The following DENND4A variants were observed in gnomAD, a reference collection of about 807,000 sequenced individuals.
DENND4A encodes the protein C-myc promoter-binding protein.
Under a neutral mutation model 199.3 loss-of-function variants are expected in DENND4A, and 70 were observed. The ratio of observed to expected loss-of-function variants is 0.35; its 90% confidence interval spans 0.29 to 0.43. DENND4A has a LOEUF of 0.43. Ranked by LOEUF, DENND4A falls within the 20% of genes least tolerant of loss-of-function variation. The pLI is 1.00. For missense variants in DENND4A, 1,723 were observed against 2,255.8 expected (o/e 0.76, Z 4.78); for synonymous variants, 686 against 766.9 (o/e 0.89, Z 1.74).
chr15:65,701,684 CT>C, intron 18 of DENND4A, 77 bp downstream of exon 18: 1 of 1,352,648 alleles, frequency 7.4e-7, no homozygotes, highest in Admixed American at 1.9e-5. Flanking sequence ...AAATAACCCC[CT>C]GCATAAATTA....
At chr15:65,748,746 T>C (rs2076480530) in intron 4 of DENND4A, among the ~76,000 whole-genome samples, 1 of 151,598 alleles carries the variant, frequency 6.6e-6, no homozygotes, top group Non-Finnish European at 1.5e-5. Context: ...TCCCAGCACT[T>C]TGGGGGACTG....
chr15:65,680,419 G>A (rs182404452), intron 23 of DENND4A, among the ~76,000 whole-genome samples: 1 of 152,098 alleles, frequency 6.6e-6, no homozygotes, highest in South Asian at 2.1e-4. Flanking sequence ...GAGGAGGAGG[G>A]AATACAGATA....
intron 5 of DENND4A, among the ~76,000 whole-genome samples, chr15:65,740,222 A>G (rs1033254741): frequency 1.3e-5 from 2 of 151,496 alleles, no homozygotes; most frequent in African/African-American, 2.4e-5. Context: ...ATGACTCATA[A>G]TCTTCTTGAG....
intron 4 of DENND4A, among the ~76,000 whole-genome samples, chr15:65,746,969 G>C (rs1170243377): frequency 6.6e-6 from 1 of 151,522 alleles, no homozygotes; most frequent in Admixed American, 6.6e-5. Flanking sequence ...GGCCGGGCGT[G>C]GTGGCGCATG....
At position 65,690,474 on chromosome 15, in the gene DENND4A, C is replaced by T; in HGVS notation, c.4120G>A (p.Val1374Ile). ...RNSMFTAGKG[V>I]AEKASKWYSR... ...TACCATTTGCTTGCTTTCTCTGCAA[C>T]TCCTTTTCCAGCAGTGAACATACTG... is the stretch of plus-strand genomic sequence containing the variant. Residue 1374 changes from valine to isoleucine, a missense_variant, in exon 23 of 33, where the codon GTT (valine) becomes ATT (isoleucine). By Grantham distance (29) the Val-to-Ile change is conservative (BLOSUM62 3). Transcript: ENST00000443035. 5 of 1,608,910 alleles carry T rather than the reference C, an allele frequency of 3.1e-6. No homozygotes were observed. The highest frequency in any genetic ancestry group is 4.2e-6 in the Non-Finnish European group (5 of 1,177,662).
At chr15:65,712,444 T>C (rs1056016520) in intron 14 of DENND4A, among the ~76,000 whole-genome samples, 8 of 152,176 alleles carry the variant, frequency 5.3e-5, no homozygotes, top group Admixed American at 1.3e-4. Context: ...GCTATAATTA[T>C]TTCTCCTCAA....
chr15:65,789,893 C>T (rs2077669028), intron 1 of DENND4A, among the ~76,000 whole-genome samples: 1 of 152,114 alleles, frequency 6.6e-6, no homozygotes, highest in South Asian at 2.1e-4. Flanking sequence ...CGGTAGCTCA[C>T]GCCTGTAATC....
At chr15:65,718,773 T>G (rs1212020887) in intron 12 of DENND4A, among the ~76,000 whole-genome samples, 1 of 123,894 alleles carries the variant, frequency 8.1e-6, no homozygotes, top group African/African-American at 3.9e-5. Flanking sequence ...TTTTTTTTTT[T>G]TTTTTTTTTT....
chr15:65,731,521 G>A, intron 9 of DENND4A, 121 bp downstream of exon 9: 2 of 796,132 alleles, frequency 2.5e-6, no homozygotes, highest in South Asian at 3.1e-5. Flanking sequence ...GGAATTTAGA[G>A]AAGTAGTAGT....
intron 1 of DENND4A, among the ~76,000 whole-genome samples, chr15:65,770,164 C>G (rs2077093237): frequency 6.6e-6 from 1 of 152,134 alleles, no homozygotes. Context: ...AATCTACTTA[C>G]ATGTTTAGGA....
At position 65,767,663 on chromosome 15, in the gene DENND4A, C is replaced by A. The variant is rs372718246; in HGVS notation, c.-101-6225G>T. On this transcript the variant is annotated intron_variant, in intron 1 of 32. Transcript: ENST00000443035. ...CCATTATCGAGTACCATGGGATGGT[C>A]AGAAGTAAAAGAACAGATGTAAACA... Among the ~76,000 whole-genome samples, 11 of 152,160 alleles carry A rather than the reference C, an allele frequency of 7.2e-5. No individual in the cohort carries two copies. The South Asian group carries it at 2.3e-3, about 32-fold the overall frequency.
intron 1 of DENND4A, among the ~76,000 whole-genome samples, chr15:65,765,764 C>T (rs1436282936): frequency 6.6e-6 from 1 of 152,190 alleles, no homozygotes; most frequent in Non-Finnish European, 1.5e-5. Flanking sequence ...ACCATGTATC[C>T]ATTACCAAAG....
chr15:65,767,560 C>T (rs1248639869), intron 1 of DENND4A, among the ~76,000 whole-genome samples: 1 of 152,110 alleles, frequency 6.6e-6, no homozygotes, highest in Non-Finnish European at 1.5e-5. Flanking sequence ...TCCTACCTTG[C>T]CTCCCATAAA....
chr15:65,696,522 T>A, intron 21 of DENND4A, 25 bp from the exon 22 acceptor site: 3 of 1,576,056 alleles, frequency 1.9e-6, no homozygotes, highest in Non-Finnish European at 2.6e-6. Context: ...ATGAAAATGT[T>A]AATAAAATGA....
chr15:65,702,015 C>T (rs900148486), intron 17 of DENND4A, 125 bp from the exon 18 acceptor site: 1 of 1,370,692 alleles, frequency 7.3e-7, no homozygotes, highest in African/African-American at 1.4e-5. Context: ...GTAATTCCAA[C>T]ATTTTGGGAG....
chr15:65,769,007 A>G (rs2077056754), intron 1 of DENND4A, among the ~76,000 whole-genome samples: 1 of 151,710 alleles, frequency 6.6e-6, no homozygotes, highest in Non-Finnish European at 1.5e-5. Flanking sequence ...AAAAAACCAA[A>G]AAACAAAAAA....
chr15:65,771,046 T>G, intron 1 of DENND4A: 1 of 911,410 alleles, frequency 1.1e-6, no homozygotes, highest in African/African-American at 1.7e-5. Flanking sequence ...AGTCCAAGAT[T>G]TCAGGAACCA....
chr15:65,773,050 A>G (rs894906432), intron 1 of DENND4A, among the ~76,000 whole-genome samples: 3 of 150,952 alleles, frequency 2.0e-5, no homozygotes, highest in Non-Finnish European at 3.0e-5. Flanking sequence ...GCAGTGATAT[A>G]CAGCACCCAG....
intron 2 of DENND4A, among the ~76,000 whole-genome samples, chr15:65,760,510 A>C (rs1266561424): frequency 6.6e-6 from 1 of 151,850 alleles, no homozygotes. Flanking sequence ...TAATAAATAA[A>C]TAAATAAATA....
Sources: gnomAD v4.1 joint callset for allele counts (sites outside exome capture counted in the v4.1 genomes callset) on GRCh38, gnomAD v4.1.1 for gene constraint, MANE v1.5 for transcripts, NCBI Gene and HGNC (gene_info 2026-07-23, HGNC 2026-07-21) for gene names.